Variants in SEMA6D observed in about 807,000 individuals in gnomAD.
SEMA6D encodes the protein semaphorin 6D.
A neutral mutation model predicts 106.6 loss-of-function variants in SEMA6D; 35 were observed. That is an observed-to-expected ratio of 0.33 (90% CI 0.25 to 0.44). The LOEUF (loss-of-function observed/expected upper bound fraction) is 0.44. Among genes scored for constraint, SEMA6D ranks in the 20% least tolerant of loss-of-function variants. The pLI is 1.00. For missense variants in SEMA6D, 1,185 were observed against 1,345.9 expected, an observed-to-expected ratio of 0.88 and a Z score of 1.87; for synonymous variants, 499 against 487.7, an observed-to-expected ratio of 1.02 and a Z score of -0.31.
intron 1 of SEMA6D, among the ~76,000 whole-genome samples, chr15:47,752,100 T>C (rs965451364): frequency 1.3e-5 from 2 of 152,184 alleles, no homozygotes; most frequent in Non-Finnish European, 1.5e-5. Flanking sequence ...GAAGGCCACA[T>C]TTAAAAGATT....
intron 3 of SEMA6D, among the ~76,000 whole-genome samples, chr15:47,511,739 A>G (rs1467977095): frequency 3.3e-5 from 5 of 152,190 alleles, no homozygotes; most frequent in African/African-American, 1.2e-4. Context: ...TAGGATTCCA[A>G]TTAATCCTAA....
At chr15:47,232,529 GTGT>G (rs1566941231) in intron 1 of SEMA6D, among the ~76,000 whole-genome samples, 11 of 2,072 alleles carry the variant, frequency 5.3e-3, no homozygotes, top group Middle Eastern at 0.5. Flanking sequence ...GGGGGAGGGT[GTGT>G]GTGTGTGTGT....
chr15:47,758,684 A>G (rs574959450), intron 1 of SEMA6D, among the ~76,000 whole-genome samples: 1 of 152,174 alleles, frequency 6.6e-6, no homozygotes, highest in African/African-American at 2.4e-5. Context: ...AACACCTATG[A>G]AGCATCACTT....
chr15:47,256,997 T>TA (rs1456906580), intron 1 of SEMA6D, among the ~76,000 whole-genome samples: 1 of 152,192 alleles, frequency 6.6e-6, no homozygotes, highest in Non-Finnish European at 1.5e-5. Flanking sequence ...TTATATTTCT[T>TA]ACGTTGTTAT....
intron 1 of SEMA6D, among the ~76,000 whole-genome samples, chr15:47,358,145 C>G (rs2038662857): frequency 6.6e-6 from 1 of 152,190 alleles, no homozygotes; most frequent in Non-Finnish European, 1.5e-5. Flanking sequence ...TCCCCAAACT[C>G]TTCATTTTCT....
intron 3 of SEMA6D, among the ~76,000 whole-genome samples, chr15:47,598,252 A>G (rs1406931601): frequency 6.6e-6 from 1 of 152,166 alleles, no homozygotes; most frequent in Non-Finnish European, 1.5e-5. Flanking sequence ...ACATTTGGGC[A>G]CTTCAGTGCC....
chr15:47,216,776 C>A (rs2030660218), intron 1 of SEMA6D, among the ~76,000 whole-genome samples: 1 of 151,880 alleles, frequency 6.6e-6, no homozygotes, highest in Non-Finnish European at 1.5e-5. Flanking sequence ...TATTAAACAT[C>A]AAATATAATT....
intron 4 of SEMA6D, among the ~76,000 whole-genome samples, chr15:47,640,981 G>A (rs2077478115): frequency 6.6e-6 from 1 of 151,996 alleles, no homozygotes; most frequent in African/African-American, 2.4e-5. Flanking sequence ...TATCCACAGG[G>A]CTCACATTTC....
rs775388603 is a variant in SEMA6D at position 47,764,880 on chromosome 15, T to C, written c.1254-3T>C. The C allele has an allele frequency of 2.5e-6, 4 of 1,613,680 alleles. No individual in the cohort carries two copies. The highest frequency in any genetic ancestry group is 1.7e-5 in the Admixed American group (1 of 59,996). On this transcript the variant is annotated splice_polypyrimidine_tract_variant and splice_region_variant and intron_variant, in intron 12 of 18. Transcript: ENST00000536845. ...TTCTGATCTGTGCCGCCTCCTCTTG[T>C]AGGTACAGACTGACGGCCATCTCAG...
intron 4 of SEMA6D, among the ~76,000 whole-genome samples, chr15:47,613,983 T>C (rs1203836681): frequency 6.6e-6 from 1 of 152,186 alleles, no homozygotes; most frequent in African/African-American, 2.4e-5. Flanking sequence ...TTTCAAGGAA[T>C]ATTTAAATTT....
At chr15:47,734,015 G>A (rs1184844326) in intron 1 of SEMA6D, among the ~76,000 whole-genome samples, 1 of 152,136 alleles carries the variant, frequency 6.6e-6, no homozygotes, top group East Asian at 1.9e-4. Context: ...ATGTACACAC[G>A]GCCACTCACT....
chr15:47,236,390 T>C (rs1159914167), intron 1 of SEMA6D, among the ~76,000 whole-genome samples: 1 of 152,134 alleles, frequency 6.6e-6, no homozygotes, highest in African/African-American at 2.4e-5. Flanking sequence ...CCAGAGTCAA[T>C]ATAATAGAAT....
At chr15:47,617,114 C>T (rs923325191) in intron 4 of SEMA6D, among the ~76,000 whole-genome samples, 2 of 152,188 alleles carry the variant, frequency 1.3e-5, no homozygotes, top group African/African-American at 4.8e-5. Flanking sequence ...ATCACTCCAC[C>T]TTGATCTCCT....
chr15:47,224,137 C>T (rs541581897), intron 1 of SEMA6D, among the ~76,000 whole-genome samples: 34 of 149,652 alleles, frequency 2.3e-4, no homozygotes, highest in Non-Finnish European at 4.4e-4. Context: ...TGCACATGTA[C>T]CCTAAAACTT....
chr15:47,284,873 A>G (rs892038877), intron 1 of SEMA6D, among the ~76,000 whole-genome samples: 19 of 152,162 alleles, frequency 1.2e-4, no homozygotes, highest in African/African-American at 4.1e-4. Flanking sequence ...ATTAGAGATG[A>G]TATTTCATGC....
At chr15:47,382,984 T>C (rs995446957) in intron 1 of SEMA6D, among the ~76,000 whole-genome samples, 3 of 152,198 alleles carry the variant, frequency 2.0e-5, no homozygotes, top group Non-Finnish European at 4.4e-5. Context: ...CAGGCTGGTC[T>C]CAAACCCCTA....
At chr15:47,645,898 G>A (rs1596522501) in intron 4 of SEMA6D, among the ~76,000 whole-genome samples, 1 of 152,166 alleles carries the variant, frequency 6.6e-6, no homozygotes, top group Non-Finnish European at 1.5e-5. Context: ...GGACACAGGT[G>A]AACAGCCAGA....
At chr15:47,472,961 T>C (rs1029961037) in intron 3 of SEMA6D, among the ~76,000 whole-genome samples, 1 of 152,188 alleles carries the variant, frequency 6.6e-6, no homozygotes, top group Non-Finnish European at 1.5e-5. Context: ...ACAGTGCCAA[T>C]GTTTTGTGTA....
At chr15:47,728,810 C>T (rs2079932663) in intron 1 of SEMA6D, among the ~76,000 whole-genome samples, 1 of 152,226 alleles carries the variant, frequency 6.6e-6, no homozygotes, top group African/African-American at 2.4e-5. Flanking sequence ...AATCCTATGA[C>T]TGAGACTTCT....
Sources: allele counts gnomAD v4.1 joint callset (sites outside exome capture counted in the v4.1 genomes callset), GRCh38; gene constraint gnomAD v4.1.1; transcripts MANE v1.5; gene names NCBI Gene and HGNC (gene_info 2026-07-23, HGNC 2026-07-21).